SYNE1: variants seen among roughly 807,000 people sequenced by gnomAD.
The protein encoded by SYNE1 is spectrin repeat containing nuclear envelope protein 1.
A neutral mutation model predicts 1,111.0 loss-of-function variants in SYNE1; 616 were observed. That is an observed-to-expected ratio of 0.55 (90% confidence interval 0.52 to 0.59). The LOEUF (loss-of-function observed/expected upper bound fraction) is 0.59, where lower values mean the gene tolerates loss of function less well. Ranked by LOEUF, SYNE1 falls within the 20% of genes least tolerant of loss-of-function variation. SYNE1 has a pLI of 0.00. For missense variants in SYNE1, 10,006 were observed against 10,417.0 expected (o/e 0.96, Z 1.72); for synonymous variants, 3,855 against 3,825.8 (o/e 1.01, Z -0.28).
intron 75 of SYNE1, among the ~76,000 whole-genome samples, chr6:152,338,763 C>A (rs2096464429): frequency 6.6e-6 from 1 of 152,158 alleles, no homozygotes; most frequent in South Asian, 2.1e-4. Flanking sequence ...CTCATCATAG[C>A]CCAGACAGTT....
rs557411362 is a variant in SYNE1 at position 152,499,343 on chromosome 6, T to C, written c.889-551A>G. Among the ~76,000 whole-genome samples, 31 of 152,186 alleles carry C rather than the reference T, an allele frequency of 2.0e-4. No individual in the cohort carries two copies. The East Asian group carries it at 5.6e-3, about 27-fold the overall frequency. Reference sequence around the variant, plus strand: ...TCAAGAAATATCTTAAGGGGAAAAGTTCATCAGTTTTATTGGATGAGATTA... The same window carrying C: ...TCAAGAAATATCTTAAGGGGAAAAGCTCATCAGTTTTATTGGATGAGATTA... On this transcript the variant is annotated intron_variant, in intron 10 of 145. Transcript: ENST00000367255.
chr6:152,616,269 A>G (rs960745042), intron 3 of SYNE1, among the ~76,000 whole-genome samples: 6 of 152,116 alleles, frequency 3.9e-5, no homozygotes, highest in African/African-American at 1.4e-4. Context: ...AGGTTGCCTG[A>G]CAGTGCTCAG....
intron 3 of SYNE1, among the ~76,000 whole-genome samples, chr6:152,617,756 G>A (rs940745210): frequency 6.6e-6 from 1 of 152,142 alleles, no homozygotes; most frequent in Non-Finnish European, 1.5e-5. Context: ...GAGTACAAAC[G>A]AGGAATCCTC....
intron 98 of SYNE1, among the ~76,000 whole-genome samples, chr6:152,273,803 G>A (rs1266213540): frequency 1.3e-5 from 2 of 152,134 alleles, no homozygotes; most frequent in African/African-American, 2.4e-5. Flanking sequence ...CTTGCCAAGG[G>A]CCAGGCTGGG....
rs1401669271 is a variant in SYNE1, at chr6:152,413,453, C to T, written c.6129G>A (p.Lys2043=). The T allele has an allele frequency of 1.1e-5, 17 of 1,614,024 alleles. No individual in the cohort carries two copies. In the East Asian group the frequency reaches 2.5e-4, roughly 23 times the overall value. The part of the protein sequence containing the change: ...HELCWLKDKA[K]QIAQKDVAFA... The stretch of plus-strand genomic sequence containing the variant: ...AAGCTACATCTTTCTGGGCAATTTG[C>T]TTGGCTTTGTCTTTCAACCAACATA... Residue 2043 remains lysine, a synonymous_variant, in exon 42 of 146, where the codon AAG becomes AAA. Coordinates refer to ENST00000367255, the MANE Select transcript of SYNE1 (RefSeq NM_182961.4).
rs766144169 is a variant in SYNE1, at chr6:152,430,622, C to T, written c.4549G>A (p.Gly1517Arg). 1 of 1,614,120 alleles carries T rather than the reference C, an allele frequency of 6.2e-7. No homozygotes were observed. Residue 1517 changes from glycine (G) to arginine (R), a missense_variant, in exon 35 of 146, where the codon GGA (glycine) becomes AGA (arginine). Physicochemically the swap from Gly to Arg is moderately radical, Grantham distance 125. Coordinates refer to ENST00000367255, the MANE Select transcript of SYNE1 (RefSeq NM_182961.4). ...TTGGCTTTAATTCGAGCAGATTCTC[C>T]AGTGGTAACAAACTGAGCAAAAGAC... is the stretch of plus-strand genomic sequence containing the variant. ...AQSFAQFVTT[G>R]ESARIKAKLT...
At chr6:152,233,178 A>G (rs2153521253) in intron 112 of SYNE1, among the ~76,000 whole-genome samples, 1 of 152,368 alleles carries the variant, frequency 6.6e-6, no homozygotes, top group Admixed American at 6.5e-5. Context: ...TTTATGAGAA[A>G]AGTGTATGTA....
At position 152,256,776 on chromosome 6, in the gene SYNE1, A is replaced by T; in HGVS notation, c.18973-11T>A. 1 of 1,613,292 alleles carries T rather than the reference A, an allele frequency of 6.2e-7. No individual in the cohort carries two copies. The highest frequency in any genetic ancestry group is 2.2e-5 in the East Asian group (1 of 44,854). On this transcript the variant is annotated splice_polypyrimidine_tract_variant and intron_variant, in intron 101 of 145. Coordinates refer to ENST00000367255, the MANE Select transcript of SYNE1 (RefSeq NM_182961.4). ...TGGCCTGCTATAAAGCTGTAGGCAA[A>T]CAAAGGCAGCTTGTTGAAGAGCATA...
intron 53 of SYNE1, 63 bp downstream of exon 53, chr6:152,390,217 G>C: frequency 6.3e-7 from 1 of 1,578,378 alleles, no homozygotes; most frequent in South Asian, 1.1e-5. Context: ...CCTCAGTACT[G>C]CTCCATCATT....
chr6:152,314,787 C>G (rs1363536740), intron 87 of SYNE1, among the ~76,000 whole-genome samples: 1 of 151,562 alleles, frequency 6.6e-6, no homozygotes, highest in African/African-American at 2.4e-5. Context: ...CCCATCTCTA[C>G]TAAAAATGCA....
chr6:152,333,196 G>A (rs568697941), intron 77 of SYNE1, among the ~76,000 whole-genome samples: 1 of 152,278 alleles, frequency 6.6e-6, no homozygotes, highest in South Asian at 2.1e-4. Context: ...TCCAGTATGT[G>A]TGTGTGTGTT....
chr6:152,429,089 A>G (rs1030396670), intron 36 of SYNE1, among the ~76,000 whole-genome samples: 1 of 121,758 alleles, frequency 8.2e-6, no homozygotes, highest in African/African-American at 2.6e-5. Flanking sequence ...CTCAATAGTA[A>G]TAATAATAAT....
At chr6:152,560,650 A>G (rs1321800736) in intron 3 of SYNE1, among the ~76,000 whole-genome samples, 1 of 152,214 alleles carries the variant, frequency 6.6e-6, no homozygotes, top group Non-Finnish European at 1.5e-5. Context: ...ATTACAAGCC[A>G]ATATCCCTGA....
intron 42 of SYNE1, among the ~76,000 whole-genome samples, chr6:152,411,114 C>A (rs2098028967): frequency 6.6e-6 from 1 of 152,108 alleles, no homozygotes; most frequent in Non-Finnish European, 1.5e-5. Flanking sequence ...TGTTGAGGGT[C>A]ATTTTTTAAA....
In SYNE1 at chr6:152,605,033, A is replaced by AGG. The variant is rs1284002995; in HGVS notation, c.67+23231_67+23232insCC. ...GAGAGAGAGAGAGAGAGAGAGAGAG[A>AGG]GAGGGAGGGAGGGAGGGAGGGAGGG... On this transcript the variant is annotated intron_variant, in intron 3 of 145. Transcript: ENST00000367255. 5.1e-3 allele frequency among the ~76,000 whole-genome samples: 130 copies of AGG among 25,390 alleles called. 6 individuals carry two copies. Among genetic ancestry groups the AGG allele is most frequent in the South Asian group, 0.01 (4 of 390 alleles). 16.7% of individuals were successfully genotyped at this position (25,390 alleles called of 152,430 possible).
intron 38 of SYNE1, 142 bp downstream of exon 38, chr6:152,427,551 C>T (rs2098379427): frequency 3.0e-6 from 3 of 1,006,182 alleles, no homozygotes; most frequent in South Asian, 1.4e-5. Context: ...TTTTGGAACA[C>T]CCTGATGTCA....
chr6:152,515,820 A>G (rs1295384199), intron 6 of SYNE1, among the ~76,000 whole-genome samples: 1 of 152,224 alleles, frequency 6.6e-6, no homozygotes, highest in Non-Finnish European at 1.5e-5. Context: ...TCTGTTCACC[A>G]CAGTCACATT....
chr6:152,268,738 C>T (rs1194115779), intron 99 of SYNE1, among the ~76,000 whole-genome samples: 3 of 152,108 alleles, frequency 2.0e-5, no homozygotes, highest in African/African-American at 7.2e-5. Context: ...TTTGTAACGA[C>T]ATCTACTTGA....
Position 152,236,976 on chromosome 6 carries a change from T to TA in SYNE1, c.20068-29dup, listed in dbSNP as rs36215566. On this transcript the variant is annotated intron_variant, in intron 108 of 145. Transcript: ENST00000367255. Reference sequence around the variant, plus strand: ...AGAAACACAACATGAGTCTGTGAGCTAAAAAAACCCTCATTAGCGAAAGAC... The same window carrying TA: ...AGAAACACAACATGAGTCTGTGAGCTAAAAAAAACCCTCATTAGCGAAAGAC... 0.22 allele frequency: 347,130 copies of TA among 1,611,122 alleles called. 39,899 individuals are homozygous for TA. Among genetic ancestry groups the TA allele is most frequent in the Admixed American group, 0.42 (25,011 of 59,556 alleles).
Sources: allele counts gnomAD v4.1 joint callset (sites outside exome capture counted in the v4.1 genomes callset), GRCh38; gene constraint gnomAD v4.1.1; transcripts MANE v1.5; gene names NCBI Gene and HGNC (gene_info 2026-07-23, HGNC 2026-07-21).